The following IQGAP1 variants were observed in gnomAD, a reference collection of about 807,000 sequenced individuals.
IQGAP1 encodes the protein ras GTPase-activating-like protein IQGAP1.
A neutral mutation model predicts 215.6 loss-of-function variants in IQGAP1; 66 were observed. That is an observed-to-expected ratio of 0.31 (90% CI 0.25 to 0.38). The LOEUF is 0.38. Among genes scored for constraint, IQGAP1 ranks in the 10% least tolerant of loss-of-function variants. IQGAP1 has a pLI of 1.00. For synonymous variants in IQGAP1, 772 were observed against 728.7 expected (o/e 1.06, Z -0.96); for missense variants, 1,712 against 1,997.1 (o/e 0.86, Z 2.72).
intron 36 of IQGAP1, among the ~76,000 whole-genome samples, chr15:90,496,557 G>C (rs968670021): frequency 1.3e-5 from 2 of 151,920 alleles, no homozygotes; most frequent in Non-Finnish European, 2.9e-5. Context: ...ATCTGACCTC[G>C]TGATCCGCCC....
rs1965986579 is a variant in IQGAP1 at position 90,476,794 on chromosome 15, C to T, written c.2916C>T (p.Tyr972=). The T allele has an allele frequency of 2.5e-6, 4 of 1,594,596 alleles. No individual in the cohort carries two copies. The African/African-American group carries it at 5.5e-5, about 22-fold the overall frequency. ...SKEKREKLEA[Y]QHLFYLLQTN... ...AGAAGAGAGAGAAGTTGGAAGCTTA[C>T]CAGCACCTGTTTTATTTATTGCAAG... The change falls in exon 24 of 38, where the codon TAC becomes TAT. Residue 972 remains tyrosine (Y), a synonymous_variant. Transcript: ENST00000268182.
chr15:90,388,433 T>A, intron 1 of IQGAP1, 37 bp downstream of exon 1: 2 of 1,340,818 alleles, frequency 1.5e-6, no homozygotes, highest in Non-Finnish European at 2.0e-6. Flanking sequence ...GGCTTCGGGC[T>A]GGGCTAATTG....
At chr15:90,483,808 A>T (rs1003752073) in intron 29 of IQGAP1, among the ~76,000 whole-genome samples, 1 of 152,234 alleles carries the variant, frequency 6.6e-6, no homozygotes, top group Admixed American at 6.5e-5. Flanking sequence ...AATAGATAGT[A>T]GTTAACATAA....
chr15:90,435,518 C>A (rs1965359013), intron 5 of IQGAP1, among the ~76,000 whole-genome samples: 1 of 152,168 alleles, frequency 6.6e-6, no homozygotes, highest in Non-Finnish European at 1.5e-5. Context: ...GTGTCTGAGT[C>A]CAGATCAGAT....
At chr15:90,472,218 C>T (rs1349176029) in intron 18 of IQGAP1, among the ~76,000 whole-genome samples, 1 of 152,108 alleles carries the variant, frequency 6.6e-6, no homozygotes. Context: ...GAGGCTGCAG[C>T]GAGCTGAGAT....
At chr15:90,411,527 T>G (rs2151007505) in intron 2 of IQGAP1, among the ~76,000 whole-genome samples, 1 of 152,302 alleles carries the variant, frequency 6.6e-6, no homozygotes, top group East Asian at 1.9e-4. Flanking sequence ...AATTAAATTT[T>G]TGACATATAT....
chr15:90,449,823 G>A (rs1015175402), intron 11 of IQGAP1, among the ~76,000 whole-genome samples, 180 bp downstream of exon 11: 10 of 152,156 alleles, frequency 6.6e-5, no homozygotes, highest in African/African-American at 2.4e-4. Context: ...TTTAATTGCT[G>A]TGTAATAGTT....
intron 2 of IQGAP1, among the ~76,000 whole-genome samples, chr15:90,416,366 C>T (rs879115026): frequency 5.3e-5 from 8 of 152,150 alleles, no homozygotes; most frequent in Non-Finnish European, 8.8e-5. Flanking sequence ...AGTAAACATA[C>T]GTGCGCATGT....
chr15:90,392,901 C>G (rs549112695), intron 2 of IQGAP1, among the ~76,000 whole-genome samples: 1 of 151,922 alleles, frequency 6.6e-6, no homozygotes, highest in African/African-American at 2.4e-5. Context: ...TCCGCCACTA[C>G]GCCTGGCTAA....
intron 11 of IQGAP1, among the ~76,000 whole-genome samples, chr15:90,450,364 A>G (rs1210914736): frequency 1.7e-4 from 3 of 17,894 alleles, no homozygotes; most frequent in Non-Finnish European, 2.5e-4. Context: ...TTTTTTTTTT[A>G]CCATTTATTC....
rs759973632 is a variant in IQGAP1, at chr15:90,491,328, C to T, written c.4249-5C>T. 7.0e-5 allele frequency: 113 copies of T among 1,611,744 alleles called. 1 individual carries two copies. The Admixed American group carries it at 1.4e-3, about 21-fold the overall frequency. ...TTGCTAAGAACTTCTTTTTCCCATC[C>T]GTAGGAAGCAGAACATCAGAGAGCC... On this transcript the variant is annotated splice_polypyrimidine_tract_variant and splice_region_variant and intron_variant, in intron 33 of 37. Coordinates refer to ENST00000268182, the MANE Select transcript of IQGAP1 (RefSeq NM_003870.4).
At chr15:90,466,945 A>G (rs1965841138) in intron 17 of IQGAP1, among the ~76,000 whole-genome samples, 1 of 152,096 alleles carries the variant, frequency 6.6e-6, no homozygotes, top group Non-Finnish European at 1.5e-5. Context: ...TACAAAAATT[A>G]GCTGAGTGTG....
At chr15:90,484,542 T>C (rs1305517178) in intron 30 of IQGAP1, among the ~76,000 whole-genome samples, 190 bp downstream of exon 30, 2 of 152,156 alleles carry the variant, frequency 1.3e-5, no homozygotes, top group Non-Finnish European at 2.9e-5. Context: ...AGAGTCTCAC[T>C]GTGTTGCCCA....
chr15:90,495,098 G>A (rs1012066021), intron 36 of IQGAP1, among the ~76,000 whole-genome samples: 3 of 152,156 alleles, frequency 2.0e-5, no homozygotes, highest in Non-Finnish European at 2.9e-5. Flanking sequence ...ATTAAAGCAG[G>A]AAGCCATTCC....
rs757103088 is a variant in IQGAP1 at position 90,390,833 on chromosome 15, G to A, written c.115G>A (p.Val39Met). The change falls in exon 2 of 38, where the codon GTG (valine) becomes ATG (methionine). Residue 39 changes from valine (V) to methionine (M), a missense_variant. Val to Met is a conservative substitution (Grantham distance 21, BLOSUM62 1). Around this residue, in one of 2 missense-constraint regions of IQGAP1, gnomAD observed 1,021 missense variants for 1,074.2 expected, o/e 0.95. Transcript: ENST00000268182. ...GATGGATGAAAGGAGACGTCAGAACGTGGCTTATGAGTACCTTTGTCATTT... is the reference window on the plus strand; with the variant it reads ...GATGGATGAAAGGAGACGTCAGAACATGGCTTATGAGTACCTTTGTCATTT... ...EEMDERRRQN[V>M]AYEYLCHLEE... 1.1e-5 allele frequency: 17 copies of A among 1,612,830 alleles called. No homozygotes were observed. In the East Asian group the frequency reaches 2.0e-4, roughly 19 times the overall value.
At chr15:90,454,993 A>G (rs1965659339) in intron 14 of IQGAP1, among the ~76,000 whole-genome samples, 1 of 152,226 alleles carries the variant, frequency 6.6e-6, no homozygotes, top group South Asian at 2.1e-4. Flanking sequence ...ATAATTTGCT[A>G]GAATGACTCA....
At chr15:90,417,547 G>T (rs1965070722) in intron 2 of IQGAP1, among the ~76,000 whole-genome samples, 1 of 152,144 alleles carries the variant, frequency 6.6e-6, no homozygotes, top group Non-Finnish European at 1.5e-5. Flanking sequence ...TGAGGGCTCT[G>T]TTCTGTTCCA....
chr15:90,396,950 T>A lies in IQGAP1; in HGVS notation c.155+6077T>A, dbSNP rs140145575. On this transcript the variant is annotated intron_variant, in intron 2 of 37. Coordinates refer to ENST00000268182, the MANE Select transcript of IQGAP1 (RefSeq NM_003870.4). ...TCACCACAACCTCTGCCTCCCGGGT[T>A]CAAACGATTCTCCTTCCTCACCCTC... Among the ~76,000 whole-genome samples, 301 of 152,186 alleles carry A rather than the reference T, an allele frequency of 2.0e-3. 1 individual carries two copies. Among genetic ancestry groups the A allele is most frequent in the Middle Eastern group, 0.01 (3 of 294 alleles).
intron 2 of IQGAP1, among the ~76,000 whole-genome samples, chr15:90,401,262 A>G (rs1263298788): frequency 6.6e-6 from 1 of 152,196 alleles, no homozygotes; most frequent in Non-Finnish European, 1.5e-5. Flanking sequence ...TTAATGTTTA[A>G]GAAAGATCTG....
Sources: allele counts gnomAD v4.1 joint callset (sites outside exome capture counted in the v4.1 genomes callset), GRCh38; gene constraint gnomAD v4.1.1; regional missense constraint gnomAD v4.1.1; transcripts MANE v1.5; gene names NCBI Gene and HGNC (gene_info 2026-07-23, HGNC 2026-07-21).